Variants in PTPN4 observed in about 807,000 individuals in gnomAD.
PTPN4 encodes the protein protein tyrosine phosphatase non-receptor type 4.
A neutral mutation model predicts 135.5 loss-of-function variants in PTPN4; 49 were observed. The observed-to-expected ratio is 0.36, with a 90% CI of 0.29 to 0.46. The LOEUF is 0.46. Ranked by LOEUF, PTPN4 falls within the 20% of genes least tolerant of loss-of-function variation. The pLI is 1.00. For synonymous variants in PTPN4, 333 were observed against 369.9 expected, an observed-to-expected ratio of 0.90 and a Z score of 1.14; for missense variants, 860 against 1,101.0, an observed-to-expected ratio of 0.78 and a Z score of 3.10.
chr2:119,873,479 T>C (rs1024817930), intron 3 of PTPN4, among the ~76,000 whole-genome samples: 3 of 152,144 alleles, frequency 2.0e-5, no homozygotes, highest in Admixed American at 6.5e-5. Context: ...TGAAGCAGTA[T>C]ATAGAGTAAA....
chr2:119,970,045 A>G (rs1363038553), intron 26 of PTPN4, among the ~76,000 whole-genome samples: 1 of 151,588 alleles, frequency 6.6e-6, no homozygotes, highest in African/African-American at 2.4e-5. Flanking sequence ...CTACTATATA[A>G]CTTTTATTTT....
At chr2:119,837,944 C>T (rs955601193) in intron 2 of PTPN4, among the ~76,000 whole-genome samples, 2 of 152,208 alleles carry the variant, frequency 1.3e-5, no homozygotes, top group African/African-American at 4.8e-5. Context: ...TGTGCTCACT[C>T]GCCCACACAC....
chr2:119,767,102 G>A (rs540961263), intron 1 of PTPN4, among the ~76,000 whole-genome samples: 6 of 152,262 alleles, frequency 3.9e-5, no homozygotes, highest in East Asian at 1.9e-4. Flanking sequence ...GCTATGTACC[G>A]TGTGTATACA....
intron 26 of PTPN4, 147 bp from the exon 27 acceptor site, chr2:119,976,837 T>C: frequency 7.2e-7 from 1 of 1,395,210 alleles, no homozygotes; most frequent in South Asian, 1.5e-5. Flanking sequence ...CAGTCTAGAC[T>C]GTTAGTGAAA....
chr2:119,869,658 G>A (rs891661129), intron 3 of PTPN4, among the ~76,000 whole-genome samples: 1 of 152,104 alleles, frequency 6.6e-6, no homozygotes, highest in Non-Finnish European at 1.5e-5. Flanking sequence ...TTGCCCGTAG[G>A]CAAAGATTGC....
chr2:119,975,730 A>G (rs1460778132), intron 26 of PTPN4, among the ~76,000 whole-genome samples: 1 of 152,156 alleles, frequency 6.6e-6, no homozygotes, highest in Non-Finnish European at 1.5e-5. Flanking sequence ...GTCTAAAAAA[A>G]AATGTCCCTT....
At chr2:119,772,687 G>A (rs899885277) in intron 1 of PTPN4, among the ~76,000 whole-genome samples, 4 of 152,082 alleles carry the variant, frequency 2.6e-5, no homozygotes, top group African/African-American at 7.2e-5. Context: ...ACAGGCTCAC[G>A]CCACCACACC....
At position 119,965,628 on chromosome 2, in the gene PTPN4, C is replaced by T. The variant is rs762422452; in HGVS notation, c.2541C>T (p.Pro847=). The change falls in exon 25 of 27, where the codon CCC becomes CCT. Residue 847 remains proline (P), a synonymous_variant. Transcript: ENST00000263708. Reference sequence around the variant, plus strand: ...ACAAGAGGGCTGGCAAGGAAGAACCCGTTGTTGTCCATTGCAGGTACTCTG... The same window carrying T: ...ACAAGAGGGCTGGCAAGGAAGAACCTGTTGTTGTCCATTGCAGGTACTCTG... ...VRNKRAGKEE[P]VVVHCSAGIG... 5.0e-6 allele frequency: 8 copies of T among 1,613,420 alleles called. No individual in the cohort carries two copies. Among genetic ancestry groups the T allele is most frequent in the East Asian group, 2.2e-5 (1 of 44,878 alleles).
chr2:119,812,397 T>C (rs1676905430), intron 2 of PTPN4, among the ~76,000 whole-genome samples: 1 of 152,238 alleles, frequency 6.6e-6, no homozygotes, highest in Non-Finnish European at 1.5e-5. Context: ...GAGTCATTGC[T>C]TTTCATGAAA....
intron 2 of PTPN4, among the ~76,000 whole-genome samples, chr2:119,830,716 C>T (rs889863213): frequency 7.9e-5 from 12 of 152,138 alleles, no homozygotes; most frequent in Admixed American, 3.3e-4. Flanking sequence ...GAGCCACCTG[C>T]GTTGGCCTCC....
At chr2:119,885,072 GT>G in intron 8 of PTPN4, among the ~76,000 whole-genome samples, 2 of 152,206 alleles carry the variant, frequency 1.3e-5, no homozygotes, top group South Asian at 4.1e-4. Context: ...AATATAAACA[GT>G]TTTGACCTCA....
At chr2:119,952,247 C>T in intron 19 of PTPN4, 118 bp downstream of exon 19, 1 of 919,586 alleles carries the variant, frequency 1.1e-6, no homozygotes. Context: ...GCTCAAAGCA[C>T]AGTGGCTTTC....
At chr2:119,802,071 T>C (rs926690315) in intron 1 of PTPN4, among the ~76,000 whole-genome samples, 1 of 151,716 alleles carries the variant, frequency 6.6e-6, no homozygotes, top group African/African-American at 2.4e-5. Flanking sequence ...ACCCAGCTAA[T>C]TTTTTGTATT....
At chr2:119,792,188 G>T (rs909342443) in intron 1 of PTPN4, among the ~76,000 whole-genome samples, 9 of 152,176 alleles carry the variant, frequency 5.9e-5, no homozygotes, top group Admixed American at 2.0e-4. Context: ...TTTTTAAATT[G>T]AAAACATTAT....
chr2:119,826,795 A>C (rs1009830481), intron 2 of PTPN4, among the ~76,000 whole-genome samples: 1 of 152,142 alleles, frequency 6.6e-6, no homozygotes, highest in Non-Finnish European at 1.5e-5. Flanking sequence ...GGAGGCCGAG[A>C]CAGAAGGATT....
intron 26 of PTPN4, among the ~76,000 whole-genome samples, chr2:119,974,507 C>T (rs567204216): frequency 6.6e-6 from 1 of 152,270 alleles, no homozygotes; most frequent in East Asian, 1.9e-4. Context: ...CCGTGCCTAG[C>T]CTGTAGTTAT....
chr2:119,920,813 A>C (rs958920259), intron 12 of PTPN4, among the ~76,000 whole-genome samples: 3 of 152,224 alleles, frequency 2.0e-5, no homozygotes, highest in African/African-American at 7.2e-5. Flanking sequence ...ACTAAATCTG[A>C]AGAAGCTCTG....
intron 14 of PTPN4, among the ~76,000 whole-genome samples, chr2:119,932,896 C>A (rs539239890): frequency 6.6e-6 from 1 of 152,164 alleles, no homozygotes; most frequent in Admixed American, 6.5e-5. Flanking sequence ...TGTGGATTCC[C>A]AGCAGAATTT....
intron 2 of PTPN4, among the ~76,000 whole-genome samples, chr2:119,820,716 A>T (rs1409750033): frequency 6.6e-6 from 1 of 152,206 alleles, no homozygotes; most frequent in African/African-American, 2.4e-5. Context: ...ATTTGGTTTC[A>T]TATTAAAGGT....
Sources: gnomAD v4.1 joint callset for allele counts (sites outside exome capture counted in the v4.1 genomes callset) on GRCh38, gnomAD v4.1.1 for gene constraint, MANE v1.5 for transcripts, NCBI Gene and HGNC (gene_info 2026-07-23, HGNC 2026-07-21) for gene names.